The following MCC variants were observed in gnomAD, a reference collection of about 807,000 sequenced individuals.
MCC encodes colorectal mutant cancer protein.
A neutral mutation model predicts 116.2 loss-of-function variants in MCC; 90 were observed. The observed-to-expected ratio is 0.77, with a 90% CI of 0.65 to 0.92. MCC has a LOEUF of 0.92. MCC is among the 40% of genes least tolerant of loss of function. The pLI is 0.00. For synonymous variants in MCC, 578 were observed against 510.5 expected, an observed-to-expected ratio of 1.13 and a Z score of -1.78; for missense variants, 1,516 against 1,312.2, an observed-to-expected ratio of 1.16 and a Z score of -2.40.
At chr5:113,090,684 C>G (rs1283431702) in intron 8 of MCC, among the ~76,000 whole-genome samples, 1 of 152,166 alleles carries the variant, frequency 6.6e-6, no homozygotes, top group Non-Finnish European at 1.5e-5. Context: ...TCAGCTTTGG[C>G]AGAGAGCAGG....
At chr5:113,366,735 C>A (rs191945004) in intron 2 of MCC, among the ~76,000 whole-genome samples, 19 of 151,856 alleles carry the variant, frequency 1.3e-4, no homozygotes, top group Admixed American at 5.9e-4. Flanking sequence ...TACTCTTTTG[C>A]TGGATATTCA....
chr5:113,084,257 C>A, intron 9 of MCC, 67 bp from the exon 10 acceptor site: 3 of 1,235,522 alleles, frequency 2.4e-6, no homozygotes, highest in Non-Finnish European at 3.6e-6. Flanking sequence ...GTTGGGACTA[C>A]GCTTATACAG....
intron 17 of MCC, among the ~76,000 whole-genome samples, chr5:113,041,252 C>T (rs1370501543): frequency 1.3e-5 from 2 of 152,184 alleles, no homozygotes; most frequent in African/African-American, 2.4e-5. Context: ...TATAAACAGG[C>T]CCGCTGGATC....
chr5:113,336,568 T>G (rs1369618024), intron 3 of MCC, among the ~76,000 whole-genome samples: 3 of 148,146 alleles, frequency 2.0e-5, no homozygotes, highest in African/African-American at 8.0e-5. Context: ...TACTCTCCTA[T>G]ACATCTAGCT....
intron 3 of MCC, among the ~76,000 whole-genome samples, chr5:113,286,267 CA>C (rs1766256059): frequency 6.6e-6 from 1 of 152,214 alleles, no homozygotes; most frequent in South Asian, 2.1e-4. Flanking sequence ...CAAGTTCACA[CA>C]ACCCACAGGA....
intron 1 of MCC, chr5:113,433,434 G>A (rs1580368475): frequency 3.4e-6 from 2 of 594,888 alleles, no homozygotes; most frequent in Non-Finnish European, 6.2e-6. Context: ...CTGTCACTGA[G>A]CCGTTGCGGC....
chr5:113,392,131 C>T (rs1007360145), intron 1 of MCC, among the ~76,000 whole-genome samples: 3 of 151,642 alleles, frequency 2.0e-5, no homozygotes, highest in South Asian at 2.1e-4. Flanking sequence ...CTTGGGAGGA[C>T]GAGAAGGGAG....
At chr5:113,055,771 C>T (rs1437963732) in intron 14 of MCC, among the ~76,000 whole-genome samples, 1 of 152,176 alleles carries the variant, frequency 6.6e-6, no homozygotes, top group Non-Finnish European at 1.5e-5. Context: ...TTAGGCATTG[C>T]TGCGAAGGTG....
intron 11 of MCC, among the ~76,000 whole-genome samples, chr5:113,076,026 C>T (rs1241446375): frequency 4.6e-5 from 7 of 152,140 alleles, no homozygotes; most frequent in Non-Finnish European, 8.8e-5. Context: ...ACTCCGGACA[C>T]GTCTGAACAT....
At chr5:113,471,059 G>A (rs1050759286) in intron 1 of MCC, among the ~76,000 whole-genome samples, 7 of 152,090 alleles carry the variant, frequency 4.6e-5, no homozygotes, top group Non-Finnish European at 1.0e-4. Context: ...CTCTGCGTTG[G>A]TTATTCTAGT....
intron 3 of MCC, among the ~76,000 whole-genome samples, chr5:113,189,916 G>A (rs1304108607): frequency 1.3e-5 from 2 of 152,088 alleles, no homozygotes; most frequent in East Asian, 3.9e-4. Flanking sequence ...GAAGATCCAG[G>A]CTTGGCTCTT....
At chr5:113,050,935 G>A (rs1752441164) in intron 15 of MCC, among the ~76,000 whole-genome samples, 1 of 152,222 alleles carries the variant, frequency 6.6e-6, no homozygotes, top group South Asian at 2.1e-4. Flanking sequence ...ATTCTCATCA[G>A]GCTGCCCATA....
chr5:113,235,348 C>G (rs1764089568), intron 3 of MCC, among the ~76,000 whole-genome samples: 1 of 152,192 alleles, frequency 6.6e-6, no homozygotes, highest in Admixed American at 6.5e-5. Flanking sequence ...TTATCAAACA[C>G]ACATACATTC....
intron 3 of MCC, among the ~76,000 whole-genome samples, chr5:113,312,030 C>T (rs1297133086): frequency 6.6e-6 from 1 of 151,920 alleles, no homozygotes; most frequent in Non-Finnish European, 1.5e-5. Flanking sequence ...CGCTTGAAAC[C>T]GGGCGGCAGA....
intron 3 of MCC, among the ~76,000 whole-genome samples, chr5:113,290,550 A>C (rs1258856294): frequency 1.3e-5 from 2 of 152,254 alleles, no homozygotes; most frequent in African/African-American, 4.8e-5. Context: ...AAGAATAAGT[A>C]AAGTCAAGTT....
rs949064747 is a variant in MCC, at chr5:113,335,194, A to C, written c.627+5325T>G. On this transcript the variant is annotated intron_variant, in intron 3 of 18. Coordinates refer to ENST00000408903, the MANE Select transcript of MCC (RefSeq NM_001085377.2). Reference sequence around the variant, plus strand: ...TAGTGTGTTAAGACTGCAGAAGGAGAAATGAAAAGTTCCCTATATTAAAAG... The same window carrying C: ...TAGTGTGTTAAGACTGCAGAAGGAGCAATGAAAAGTTCCCTATATTAAAAG... 5.3e-5 allele frequency among the ~76,000 whole-genome samples: 8 copies of C among 151,824 alleles called. 1 individual carries two copies. The highest frequency in any genetic ancestry group is 1.9e-4 in the African/African-American group (8 of 41,114).
chr5:113,172,393 C>A (rs1223763916), intron 3 of MCC, among the ~76,000 whole-genome samples: 1 of 152,214 alleles, frequency 6.6e-6, no homozygotes, highest in Non-Finnish European at 1.5e-5. Flanking sequence ...GAACAAGCTT[C>A]ATTTTCCCTT....
chr5:113,069,350 G>A (rs114446050), intron 12 of MCC, among the ~76,000 whole-genome samples: 258 of 152,350 alleles, frequency 1.7e-3, no homozygotes, highest in Non-Finnish European at 2.8e-3. Flanking sequence ...GGGCAAACAA[G>A]GTAAAATATC....
intron 14 of MCC, among the ~76,000 whole-genome samples, chr5:113,062,683 T>A (rs1278366156): frequency 2.0e-5 from 3 of 152,106 alleles, no homozygotes; most frequent in African/African-American, 7.3e-5. Context: ...ATGAAAAAAA[T>A]TATAATCTGT....
Sources: allele counts gnomAD v4.1 joint callset (sites outside exome capture counted in the v4.1 genomes callset), GRCh38; gene constraint gnomAD v4.1.1; transcripts MANE v1.5; gene names NCBI Gene and HGNC (gene_info 2026-07-23, HGNC 2026-07-21).